Variants in NAPA observed in about 807,000 individuals in gnomAD.
NAPA encodes NSF attachment protein alpha, also known as alpha-soluble NSF attachment protein.
NAPA carries 18 observed loss-of-function variants against 48.0 expected under a neutral mutation model. That is an observed-to-expected ratio of 0.38 (90% CI 0.26 to 0.56). NAPA has a LOEUF of 0.56. NAPA is among the 20% of genes least tolerant of loss of function. NAPA has a pLI of 0.77. For missense variants in NAPA, 315 were observed against 385.0 expected (o/e 0.82, Z 1.52); for synonymous variants, 152 against 149.9 (o/e 1.01, Z -0.10).
chr19:47,495,807 T>C, intron 3 of NAPA: 1 of 583,498 alleles, frequency 1.7e-6, no homozygotes, highest in Non-Finnish European at 3.1e-6. Context: ...GGGCTGACTC[T>C]GCAGACTGTG....
chr19:47,513,962 C>T (rs557642170), intron 1 of NAPA, among the ~76,000 whole-genome samples: 1 of 145,708 alleles, frequency 6.9e-6, no homozygotes, highest in East Asian at 2.1e-4. Flanking sequence ...GATTCTCCTG[C>T]CCCAGCCTCC....
chr19:47,512,930 C>G (rs1047108300), intron 1 of NAPA: 2 of 152,582 alleles, frequency 1.3e-5, no homozygotes, highest in Non-Finnish European at 2.9e-5. Context: ...TCCCCAGGCC[C>G]TCCTCCCAAA....
chr19:47,509,760 G>A (rs1968770969), intron 1 of NAPA, among the ~76,000 whole-genome samples: 1 of 152,106 alleles, frequency 6.6e-6, no homozygotes, highest in Non-Finnish European at 1.5e-5. Flanking sequence ...ACGGCCCTTC[G>A]AGATGAGCTC....
chr19:47,491,986 G>A (rs759186970), intron 8 of NAPA, 29 bp downstream of exon 8: 44 of 1,592,996 alleles, frequency 2.8e-5, no homozygotes, highest in Non-Finnish European at 3.4e-5. Context: ...GGCCTGGTGC[G>A]GTGGTCCTGC....
chr19:47,503,311 G>C, intron 2 of NAPA, 112 bp downstream of exon 2: 1 of 941,610 alleles, frequency 1.1e-6, no homozygotes, highest in East Asian at 2.4e-5. Context: ...ATGCCGGAGA[G>C]GGCATACAAA....
downstream of NAPA, among the ~76,000 whole-genome samples, chr19:47,485,546 G>C (rs1351383924): frequency 3.3e-5 from 5 of 152,218 alleles, no homozygotes; most frequent in African/African-American, 1.2e-4. Context: ...CAGACTGCAA[G>C]CTCCATGAAG....
At chr19:47,504,277 C>T (rs1211289900) in intron 1 of NAPA, among the ~76,000 whole-genome samples, 1 of 151,742 alleles carries the variant, frequency 6.6e-6, no homozygotes, top group Non-Finnish European at 1.5e-5. Flanking sequence ...CGCCTGTAGT[C>T]CTAGCTACTA....
chr19:47,490,444 TGTGTG>T (rs1037531490), intron 9 of NAPA, among the ~76,000 whole-genome samples: 2 of 65,738 alleles, frequency 3.0e-5, no homozygotes, highest in Non-Finnish European at 5.9e-5. Context: ...TGGTGTGATG[TGTGTG>T]GTGTGGTGTG....
downstream of NAPA, among the ~76,000 whole-genome samples, chr19:47,485,583 G>A (rs1968048955): frequency 3.9e-5 from 6 of 152,294 alleles, no homozygotes; most frequent in South Asian, 1.2e-3. Context: ...CCTTGATCAC[G>A]GCCTTATCGC....
chr19:47,493,232 C>T lies in NAPA; in HGVS notation c.421-58G>A, dbSNP rs545998195. 1.0e-4 allele frequency: 157 copies of T among 1,534,648 alleles called. No individual in the cohort carries two copies. In the African/African-American group the frequency reaches 2.0e-3, roughly 20 times the overall value. Reference sequence around the variant, plus strand: ...GGGCAGGGAAGGGAGAGGAGGCCTCCGTGAAGCTTCCACACCCTCCGCCCT... The same window carrying T: ...GGGCAGGGAAGGGAGAGGAGGCCTCTGTGAAGCTTCCACACCCTCCGCCCT... On this transcript the variant is annotated intron_variant, in intron 5 of 10. Coordinates refer to ENST00000263354, the MANE Select transcript of NAPA (RefSeq NM_003827.4). The surrounding 1 kb of genome is among the most constrained non-coding windows in gnomAD (Gnocchi z 6.4).
chr19:47,488,430 G>C (rs574527168), intron 10 of NAPA, 41 bp from the exon 11 acceptor site: 10 of 1,528,842 alleles, frequency 6.5e-6, no homozygotes, highest in Non-Finnish European at 9.0e-6. Flanking sequence ...TGCTCCCCCC[G>C]TTCCCAACCC....
chr19:47,513,085 A>C (rs1968835891), intron 1 of NAPA, among the ~76,000 whole-genome samples: 1 of 151,522 alleles, frequency 6.6e-6, no homozygotes, highest in Non-Finnish European at 1.5e-5. Context: ...CCTCCCCTTG[A>C]CCCTTTCGGG....
chr19:47,503,588 A>T, intron 1 of NAPA, 86 bp from the exon 2 acceptor site: 5 of 1,244,602 alleles, frequency 4.0e-6, no homozygotes, highest in Non-Finnish European at 5.8e-6. Context: ...CCGGGCACAG[A>T]CGTGCCCCTA....
chr19:47,485,830 G>A (rs1371705748), downstream of NAPA, among the ~76,000 whole-genome samples: 1 of 152,202 alleles, frequency 6.6e-6, no homozygotes, highest in Non-Finnish European at 1.5e-5. Context: ...GTATTCCCAG[G>A]GCCTGGCATG....
chr19:47,503,794 C>G (rs968108133), intron 1 of NAPA, among the ~76,000 whole-genome samples: 2 of 152,204 alleles, frequency 1.3e-5, no homozygotes, highest in Non-Finnish European at 2.9e-5. Flanking sequence ...CTGACAGCCT[C>G]TTCTACTTCC....
At chr19:47,502,392 T>C (rs1031665606) in intron 2 of NAPA, among the ~76,000 whole-genome samples, 1 of 152,136 alleles carries the variant, frequency 6.6e-6, no homozygotes, top group Non-Finnish European at 1.5e-5. Flanking sequence ...ATAAGCTTTT[T>C]TTCTCTAGAG....
rs563514745 is a variant in NAPA at position 47,492,242 on chromosome 19, C to G, written c.562-123G>C. ...ATGTCCCGAGGTGAGGCCCTGTTAACCCAGGACCCCAAGGGCAGGGAGCCA... is the reference window on the plus strand; with the variant it reads ...ATGTCCCGAGGTGAGGCCCTGTTAAGCCAGGACCCCAAGGGCAGGGAGCCA... On this transcript the variant is annotated intron_variant, in intron 7 of 10. Transcript: ENST00000263354. 8.3e-5 allele frequency: 67 copies of G among 806,554 alleles called. 1 individual carries two copies. The highest frequency in any genetic ancestry group is 8.2e-4 in the East Asian group (31 of 37,804). 50.0% of individuals were successfully genotyped at this position (806,554 alleles called of 1,614,324 possible).
rs1366139122 is a variant in NAPA, at chr19:47,506,493, C to T, written c.99-2991G>A. Among the ~76,000 whole-genome samples, 1 of 152,242 alleles carries T rather than the reference C, an allele frequency of 6.6e-6. No individual in the cohort carries two copies. The highest frequency in any genetic ancestry group is 6.5e-5 in the Admixed American group (1 of 15,276). ...TCTGCCCACCCCACAGGTCCCCCAG[C>T]TCAGCCTTCCCTTCTTTTTGAGTGT... On this transcript the variant is annotated intron_variant, in intron 1 of 10. Transcript: ENST00000263354. This position sits in a 1 kb window ranked among gnomAD's most constrained non-coding sequence, Gnocchi z 4.0.
intron 1 of NAPA, among the ~76,000 whole-genome samples, chr19:47,512,161 G>A (rs1424067885): frequency 6.6e-6 from 1 of 152,028 alleles, no homozygotes; most frequent in Non-Finnish European, 1.5e-5. Flanking sequence ...TCCCCCCAGG[G>A]TTGGGGCCTC....
Sources: gnomAD v4.1 joint callset for allele counts (sites outside exome capture counted in the v4.1 genomes callset) on GRCh38, gnomAD v4.1.1 for gene constraint, Gnocchi (gnomAD v3.1) non-coding constraint, MANE v1.5 for transcripts, NCBI Gene and HGNC (gene_info 2026-07-23, HGNC 2026-07-21) for gene names.